Variants in SPRR2B observed in about 807,000 individuals in gnomAD.
The protein encoded by SPRR2B is small proline rich protein 2B.
SPRR2B carries 1 observed loss-of-function variant against 1.0 expected under a neutral mutation model. The observed-to-expected ratio is 1.01, with a 90% confidence interval of 0.36 to 4.77. SPRR2B has a LOEUF of 4.77. SPRR2B is among the 30% of genes most tolerant of loss of function. The pLI is 0.16. For synonymous variants in SPRR2B, 27 were observed against 33.4 expected (o/e 0.81, Z 0.66); for missense variants, 53 against 88.7 (o/e 0.60, Z 1.62).
chr1:153,075,022 C>T (rs1456895716), upstream of SPRR2B, among the ~76,000 whole-genome samples: 4 of 152,166 alleles, frequency 2.6e-5, no homozygotes, highest in Non-Finnish European at 4.4e-5. Context: ...ACTGAAGCCA[C>T]AGACATGCAA....
the SPRR2B span, among the ~76,000 whole-genome samples, chr1:153,077,228 A>G: frequency 6.6e-6 from 1 of 152,244 alleles, no homozygotes; most frequent in Non-Finnish European, 1.5e-5. Context: ...CACACTTTCA[A>G]CCTAGAATTC....
intron 1 of SPRR2B, among the ~76,000 whole-genome samples, chr1:153,071,284 A>G (rs1654660223): frequency 6.6e-6 from 1 of 151,726 alleles, no homozygotes; most frequent in Non-Finnish European, 1.5e-5. Context: ...CTAAGACACA[A>G]ACCTTTGAAA....
At chr1:153,084,653 T>C in the SPRR2B span, among the ~76,000 whole-genome samples, 1 of 152,132 alleles carries the variant, frequency 6.6e-6, no homozygotes, top group Non-Finnish European at 1.5e-5. Flanking sequence ...CCCTAGCACC[T>C]GCAAGAACCC....
the SPRR2B span, among the ~76,000 whole-genome samples, chr1:153,085,337 A>T: frequency 2.0e-5 from 3 of 152,200 alleles, no homozygotes; most frequent in Non-Finnish European, 4.4e-5. Context: ...AACATAACTG[A>T]CCTGAAAAAG....
At chr1:153,083,848 A>G in the SPRR2B span, among the ~76,000 whole-genome samples, 2 of 152,214 alleles carry the variant, frequency 1.3e-5, no homozygotes, top group Admixed American at 1.3e-4. Flanking sequence ...GGGTTTGGTA[A>G]GGGAGTGTCT....
the SPRR2B span, among the ~76,000 whole-genome samples, chr1:153,087,282 A>T: frequency 3.9e-5 from 6 of 152,126 alleles, no homozygotes; most frequent in Non-Finnish European, 8.8e-5. Flanking sequence ...TCCATCTCAA[A>T]AAGAAAAAAA....
chr1:153,078,928 G>A, the SPRR2B span, among the ~76,000 whole-genome samples: 1 of 152,176 alleles, frequency 6.6e-6, no homozygotes, highest in East Asian at 1.9e-4. Flanking sequence ...GATCCCTGAG[G>A]AATCACCACA....
At chr1:153,074,717 AT>A (rs548768763), upstream of SPRR2B, among the ~76,000 whole-genome samples, 4 of 152,190 alleles carry the variant, frequency 2.6e-5, no homozygotes, top group Non-Finnish European at 5.9e-5. Context: ...GATGATACCT[AT>A]TTTCTTGTTT....
chr1:153,084,451 C>T, the SPRR2B span, among the ~76,000 whole-genome samples: 728 of 152,256 alleles, frequency 4.8e-3, 7 homozygotes, highest in African/African-American at 0.017. Context: ...ACAGTGGAAA[C>T]TCCTGCACCC....
chr1:153,073,158 A>G (rs1488464123), upstream of SPRR2B, among the ~76,000 whole-genome samples: 4 of 152,334 alleles, frequency 2.6e-5, no homozygotes, highest in East Asian at 7.7e-4. Context: ...CTTTTGGCCA[A>G]GATCACCATG....
At chr1:153,073,578 G>A (rs755491811), upstream of SPRR2B, among the ~76,000 whole-genome samples, 6 of 152,074 alleles carry the variant, frequency 3.9e-5, no homozygotes, top group Non-Finnish European at 8.8e-5. Flanking sequence ...TGGAAACTCA[G>A]AGTTCCTCAC....
the SPRR2B span, among the ~76,000 whole-genome samples, chr1:153,082,160 A>G: frequency 6.6e-6 from 1 of 152,204 alleles, no homozygotes; most frequent in Non-Finnish European, 1.5e-5. Context: ...AATATTTTCA[A>G]GTATACACAA....
upstream of SPRR2B, among the ~76,000 whole-genome samples, chr1:153,076,576 T>A (rs1429642903): frequency 6.6e-6 from 1 of 152,128 alleles, no homozygotes; most frequent in Non-Finnish European, 1.5e-5. Context: ...GTCCTGAAAA[T>A]TCTACTGTAA....
At chr1:153,073,627 A>G (rs1654716713), upstream of SPRR2B, among the ~76,000 whole-genome samples, 3 of 151,876 alleles carry the variant, frequency 2.0e-5, no homozygotes, top group Non-Finnish European at 4.4e-5. Context: ...CATGAAGAGG[A>G]GCAGCTAACA....
the SPRR2B span, among the ~76,000 whole-genome samples, chr1:153,087,011 CAAG>C: frequency 6.6e-6 from 1 of 152,100 alleles, no homozygotes; most frequent in Non-Finnish European, 1.5e-5. Context: ...GGAAAAAAAT[CAAG>C]AAGTTCTTAA....
At chr1:153,080,673 G>T in the SPRR2B span, among the ~76,000 whole-genome samples, 1 of 152,084 alleles carries the variant, frequency 6.6e-6, no homozygotes, top group African/African-American at 2.4e-5. Flanking sequence ...AAATTCTACT[G>T]TAAGTTTGAG....
chr1:153,085,491 G>A, the SPRR2B span, among the ~76,000 whole-genome samples: 531 of 152,252 alleles, frequency 3.5e-3, 8 homozygotes, highest in Middle Eastern at 0.014. Flanking sequence ...AGAAATGAAT[G>A]AAAAGGAATG....
At chr1:153,077,331 T>C in the SPRR2B span, among the ~76,000 whole-genome samples, 1 of 152,130 alleles carries the variant, frequency 6.6e-6, no homozygotes, top group Admixed American at 6.6e-5. Flanking sequence ...GTAGATTTTG[T>C]GTATGAGAAA....
the SPRR2B span, among the ~76,000 whole-genome samples, chr1:153,077,211 A>G: frequency 1.3e-5 from 2 of 152,232 alleles, no homozygotes; most frequent in Non-Finnish European, 2.9e-5. Flanking sequence ...TTAAAGCCAT[A>G]AAAGAACACA....
Sources: gnomAD v4.1 joint callset for allele counts (sites outside exome capture counted in the v4.1 genomes callset) on GRCh38, gnomAD v4.1.1 for gene constraint, MANE v1.5 for transcripts, NCBI Gene and HGNC (gene_info 2026-07-23, HGNC 2026-07-21) for gene names.